The following OSBP2 variants were observed in gnomAD, a reference collection of about 807,000 sequenced individuals.
OSBP2 encodes the protein oxysterol-binding protein 2.
In OSBP2, 66 loss-of-function variants were observed where a neutral mutation model predicts 96.0. The ratio of observed to expected loss-of-function variants is 0.69; its 90% CI spans 0.56 to 0.84. The LOEUF is 0.84. Ranked by LOEUF, OSBP2 falls within the 40% of genes least tolerant of loss-of-function variation. The probability of loss-of-function intolerance (pLI) is 0.00; values close to 1 mark genes in which losing one functional copy is unlikely to be tolerated. For synonymous variants in OSBP2, 525 were observed against 520.9 expected, an observed-to-expected ratio of 1.01 and a Z score of -0.11; for missense variants, 1,038 against 1,222.7, an observed-to-expected ratio of 0.85 and a Z score of 2.25.
chr22:30,831,422 A>G (rs1299991439), intron 2 of OSBP2, among the ~76,000 whole-genome samples: 1 of 152,102 alleles, frequency 6.6e-6, no homozygotes, highest in Non-Finnish European at 1.5e-5. Flanking sequence ...TTCTAAACGA[A>G]GTTGGTTTAT....
chr22:30,799,174 A>G (rs1475645357), intron 2 of OSBP2, among the ~76,000 whole-genome samples: 3 of 145,214 alleles, frequency 2.1e-5, no homozygotes, highest in African/African-American at 5.1e-5. Context: ...CAGCGGTGCA[A>G]TCTCAGCTCA....
intron 2 of OSBP2, among the ~76,000 whole-genome samples, chr22:30,746,854 G>C (rs759004737): frequency 6.6e-6 from 1 of 152,016 alleles, no homozygotes; most frequent in Non-Finnish European, 1.5e-5. Context: ...GCCAAACAAA[G>C]ACGTCACAAG....
chr22:30,863,639 G>T (rs11912070), intron 2 of OSBP2, among the ~76,000 whole-genome samples: 2,192 of 152,294 alleles, frequency 0.014, 49 homozygotes, highest in African/African-American at 0.049. Flanking sequence ...AGGGCTCGGG[G>T]ACTAGGCCTT....
chr22:30,732,585 C>T (rs1020742136), intron 1 of OSBP2, among the ~76,000 whole-genome samples: 1 of 152,178 alleles, frequency 6.6e-6, no homozygotes, highest in Non-Finnish European at 1.5e-5. Flanking sequence ...CACATTCCTC[C>T]CTTACCCCAG....
intron 2 of OSBP2, among the ~76,000 whole-genome samples, chr22:30,752,032 G>A (rs983147526): frequency 2.6e-5 from 4 of 152,194 alleles, no homozygotes; most frequent in East Asian, 1.9e-4. Context: ...AAGCTGGGAC[G>A]GTAGCCCTTC....
chr22:30,870,399 T>G lies in OSBP2; in HGVS notation c.854-30T>G. ...CTCTTGGTACCACGTCTGTTCGTAA[T>G]GACCGTAACAACTCTATTTTCTTCC... is the stretch of plus-strand genomic sequence containing the variant. On this transcript the variant is annotated intron_variant, in intron 2 of 13. Coordinates refer to ENST00000332585, the MANE Select transcript of OSBP2 (RefSeq NM_030758.4). The surrounding 1 kb of genome is among the most constrained non-coding windows in gnomAD (Gnocchi z 4.1). 1.2e-6 allele frequency: 2 copies of G among 1,611,448 alleles called. No individual in the cohort carries two copies. The highest frequency in any genetic ancestry group is 1.1e-5 in the South Asian group (1 of 91,008).
intron 2 of OSBP2, among the ~76,000 whole-genome samples, chr22:30,756,262 A>G (rs2145764186): frequency 1.3e-5 from 2 of 151,880 alleles, no homozygotes; most frequent in South Asian, 4.2e-4. Flanking sequence ...CTTCCTTCAC[A>G]CCTGTTTGTC....
intron 3 of OSBP2, among the ~76,000 whole-genome samples, chr22:30,879,079 C>A (rs527253356): frequency 1.3e-5 from 2 of 152,294 alleles, no homozygotes; most frequent in Admixed American, 1.3e-4. Context: ...CAGAAGGGGC[C>A]CCACTGCTGG....
chr22:30,831,503 G>T, intron 2 of OSBP2, among the ~76,000 whole-genome samples: 1 of 152,186 alleles, frequency 6.6e-6, no homozygotes, highest in East Asian at 1.9e-4. Context: ...TGTCCTTGGT[G>T]GTTGGGGTTC....
intron 3 of OSBP2, among the ~76,000 whole-genome samples, chr22:30,878,143 G>A (rs1353780481): frequency 6.6e-6 from 1 of 152,220 alleles, no homozygotes; most frequent in Non-Finnish European, 1.5e-5. Flanking sequence ...AGTCACAAGG[G>A]ACCTTGTGCT....
At position 30,891,002 on chromosome 22, in the gene OSBP2, C is replaced by T. The variant is rs199834719; in HGVS notation, c.1869+29C>T. The T allele has an allele frequency of 8.2e-5, 130 of 1,589,968 alleles. No individual in the cohort carries two copies. In the African/African-American group the frequency reaches 1.3e-3, roughly 16 times the overall value. On this transcript the variant is annotated intron_variant, in intron 8 of 13. Coordinates refer to ENST00000332585, the MANE Select transcript of OSBP2 (RefSeq NM_030758.4). ...AGGGGGCTAGGCTGGCACTGGGTGG[C>T]GCCCACCCACACTCTGGCCAAGCTG...
chr22:30,885,900 G>C (rs2039799609), intron 3 of OSBP2, among the ~76,000 whole-genome samples: 2 of 152,232 alleles, frequency 1.3e-5, no homozygotes, highest in African/African-American at 4.8e-5. Flanking sequence ...GGTGGGTGCT[G>C]GTTGCTGGGC....
chr22:30,765,982 C>T (rs1055647253), intron 2 of OSBP2, among the ~76,000 whole-genome samples: 4 of 152,296 alleles, frequency 2.6e-5, no homozygotes, highest in Non-Finnish European at 5.9e-5. Flanking sequence ...TGCCTGTAAT[C>T]CCAGCATTTT....
chr22:30,715,414 T>C (rs1299130977), intron 1 of OSBP2, among the ~76,000 whole-genome samples: 2 of 150,810 alleles, frequency 1.3e-5, no homozygotes, highest in African/African-American at 4.9e-5. Context: ...TCTTGCTTCA[T>C]TGTCCAGGCT....
intron 2 of OSBP2, among the ~76,000 whole-genome samples, chr22:30,755,943 C>G (rs962007001): frequency 2.4e-4 from 37 of 152,216 alleles, no homozygotes; most frequent in Admixed American, 2.0e-3. Context: ...GCCTCGTTCC[C>G]TGGTCGGCAT....
chr22:30,893,774 A>C (rs761665527), intron 11 of OSBP2, 41 bp downstream of exon 11: 2 of 1,611,202 alleles, frequency 1.2e-6, no homozygotes, highest in Non-Finnish European at 1.7e-6. Context: ...CAGGGGGCCC[A>C]GGGCAGAGTC....
chr22:30,836,814 T>C (rs1013624027), intron 2 of OSBP2, among the ~76,000 whole-genome samples: 4 of 152,116 alleles, frequency 2.6e-5, no homozygotes, highest in Non-Finnish European at 5.9e-5. Context: ...CTGGTTGATA[T>C]TGGCCAGAAA....
rs145451573 is a variant in OSBP2, at chr22:30,854,497, T to G, written c.854-15932T>G. On this transcript the variant is annotated intron_variant, in intron 2 of 13. Coordinates refer to ENST00000332585, the MANE Select transcript of OSBP2 (RefSeq NM_030758.4). ...CTAATTTTTGAATTTTTAGTAGAGA[T>G]AGGACTTCACCATGTTGGCCAGGGT... Among the ~76,000 whole-genome samples the G allele has an allele frequency of 9.4e-3, 1,423 of 151,726 alleles. 20 individuals carry two copies. Among genetic ancestry groups the G allele is most frequent in the Non-Finnish European group, 0.013 (888 of 67,886 alleles).
chr22:30,840,155 C>T (rs1200382178), intron 2 of OSBP2, among the ~76,000 whole-genome samples: 1 of 143,438 alleles, frequency 7.0e-6, no homozygotes, highest in Non-Finnish European at 1.5e-5. Context: ...CACATGTATA[C>T]ATATGTAACT....
Sources: gnomAD v4.1 joint callset for allele counts (sites outside exome capture counted in the v4.1 genomes callset) on GRCh38, gnomAD v4.1.1 for gene constraint, Gnocchi (gnomAD v3.1) non-coding constraint, MANE v1.5 for transcripts, NCBI Gene and HGNC (gene_info 2026-07-23, HGNC 2026-07-21) for gene names.